The following ZNF503 variants were observed in gnomAD, a reference collection of about 807,000 sequenced individuals.
ZNF503 encodes NocA-like zinc finger 2.
A neutral mutation model predicts 34.4 loss-of-function variants in ZNF503; 15 were observed. That is an observed-to-expected ratio of 0.44 (90% CI 0.29 to 0.67). ZNF503 has a LOEUF of 0.67. Among genes scored for constraint, ZNF503 ranks in the 30% least tolerant of loss-of-function variants. The probability of loss-of-function intolerance (pLI) is 0.13; values close to 1 mark genes in which losing one functional copy is unlikely to be tolerated. For synonymous variants in ZNF503, 580 were observed against 456.8 expected (o/e 1.27, Z -3.44); for missense variants, 1,007 against 926.8 (o/e 1.09, Z -1.12).
rs763271220 is a variant in ZNF503, at chr10:75,401,117, G to A, written c.303C>T (p.Val101=). 19 of 1,613,484 alleles carry A rather than the reference G, an allele frequency of 1.2e-5. No homozygotes were observed. The Middle Eastern group carries it at 5.0e-4, about 42-fold the overall frequency. ...EYLQPLPSTP[V]SPIELDAKKS... is the part of the protein sequence containing the mutation. Reference sequence around the variant, plus strand: ...AGAGGGTCCTTACCTCGATGGGGCTGACCGGCGTGGAAGGCAGGGGCTGCA... The same window carrying A: ...AGAGGGTCCTTACCTCGATGGGGCTAACCGGCGTGGAAGGCAGGGGCTGCA... The change falls in exon 1 of 2, where the codon GTC becomes GTT. Residue 101 remains valine (V), a synonymous_variant. Transcript: ENST00000372524.
At chr10:75,280,948 G>T in the ZNF503 span, among the ~76,000 whole-genome samples, 5 of 152,128 alleles carry the variant, frequency 3.3e-5, no homozygotes, top group African/African-American at 4.8e-5. Context: ...GGGCGAGAGC[G>T]GCTGCTTCAG....
chr10:75,379,144 A>G, the ZNF503 span, among the ~76,000 whole-genome samples: 1 of 152,190 alleles, frequency 6.6e-6, no homozygotes, highest in Non-Finnish European at 1.5e-5. Context: ...ATGGTGCCTC[A>G]CCTTAAATGC....
chr10:75,385,431 C>T, the ZNF503 span, among the ~76,000 whole-genome samples: 2 of 152,220 alleles, frequency 1.3e-5, no homozygotes, highest in Admixed American at 1.3e-4. Context: ...CATCTTGCTC[C>T]ACTCCATTTT....
Position 75,399,677 on chromosome 10 carries a change from G to A in ZNF503, c.1013C>T (p.Ala338Val), listed in dbSNP as rs991746920. Residue 338 changes from alanine to valine, a missense_variant, in exon 2 of 2, where the codon GCT becomes GTT. Transcript: ENST00000372524. The stretch of plus-strand genomic sequence containing the variant: ...GCCCGGCTTGTAGGGTGACACGGGA[G>A]CCACCAGCCCAGAGCCCAACACTGA... The part of the protein sequence containing the change: ...SSSVLGSGLV[A>V]PVSPYKPGQT... 3.7e-6 allele frequency: 6 copies of A among 1,600,036 alleles called. No individual in the cohort carries two copies. The highest frequency in any genetic ancestry group is 5.1e-6 in the Non-Finnish European group (6 of 1,179,456).
chr10:75,315,217 A>G, the ZNF503 span, among the ~76,000 whole-genome samples: 1 of 152,260 alleles, frequency 6.6e-6, no homozygotes, highest in South Asian at 2.1e-4. Context: ...AAAATTAGCC[A>G]GGCATGGTGG....
the ZNF503 span, among the ~76,000 whole-genome samples, chr10:75,368,878 T>A: frequency 6.6e-6 from 1 of 152,262 alleles, no homozygotes; most frequent in African/African-American, 2.4e-5. Context: ...AAAGTGATTC[T>A]TTCAGCTCTG....
At chr10:75,397,127 C>T (rs942915821), downstream of ZNF503, among the ~76,000 whole-genome samples, 5 of 147,336 alleles carry the variant, frequency 3.4e-5, no homozygotes, top group Non-Finnish European at 7.5e-5. Context: ...AATAGAGCGC[C>T]GGCTGCAGAG....
At chr10:75,281,258 T>C in the ZNF503 span, among the ~76,000 whole-genome samples, 1 of 152,098 alleles carries the variant, frequency 6.6e-6, no homozygotes, top group Non-Finnish European at 1.5e-5. Context: ...GATGGGGCTA[T>C]AGGACTCAGA....
chr10:75,312,192 G>C, the ZNF503 span, among the ~76,000 whole-genome samples: 2 of 152,160 alleles, frequency 1.3e-5, no homozygotes, highest in African/African-American at 4.8e-5. Flanking sequence ...GGGTGACAGA[G>C]TGAGAACCTG....
chr10:75,365,326 T>G, the ZNF503 span, among the ~76,000 whole-genome samples: 1 of 152,280 alleles, frequency 6.6e-6, no homozygotes, highest in East Asian at 1.9e-4. Flanking sequence ...TTTTGTATTT[T>G]TAGTAGAGAC....
At chr10:75,358,491 CT>C in the ZNF503 span, 1 of 152,062 alleles carries the variant, frequency 6.6e-6, no homozygotes, top group Non-Finnish European at 1.5e-5. Context: ...TTGGTTTTTT[CT>C]TTTGTTCTTT....
chr10:75,320,682 G>T, the ZNF503 span, among the ~76,000 whole-genome samples: 1 of 151,886 alleles, frequency 6.6e-6, no homozygotes, highest in Non-Finnish European at 1.5e-5. Context: ...ATAAGAAAAA[G>T]AATACAGCAA....
chr10:75,331,866 T>G, the ZNF503 span, among the ~76,000 whole-genome samples: 2 of 152,312 alleles, frequency 1.3e-5, no homozygotes, highest in South Asian at 4.1e-4. Context: ...GGTGCATGTA[T>G]ATTAACAATT....
the ZNF503 span, among the ~76,000 whole-genome samples, chr10:75,357,086 G>C: frequency 1.3e-5 from 2 of 152,160 alleles, no homozygotes; most frequent in South Asian, 4.1e-4. Context: ...CTGTGGTATA[G>C]AGAAAGAAGT....
the ZNF503 span, chr10:75,382,253 A>G: frequency 4.6e-6 from 1 of 215,800 alleles, no homozygotes; most frequent in Non-Finnish European, 9.3e-6. Flanking sequence ...ACAAATGCTC[A>G]TGACAGATTT....
the ZNF503 span, among the ~76,000 whole-genome samples, chr10:75,315,704 A>C: frequency 6.6e-6 from 1 of 152,198 alleles, no homozygotes; most frequent in East Asian, 1.9e-4. Context: ...ATAGCCAGAA[A>C]ACAATTAATA....
the ZNF503 span, among the ~76,000 whole-genome samples, chr10:75,372,476 A>G: frequency 6.6e-6 from 1 of 152,308 alleles, no homozygotes; most frequent in African/African-American, 2.4e-5. Flanking sequence ...CACAGCATCA[A>G]AACAGTTCAA....
chr10:75,347,539 G>A, the ZNF503 span, among the ~76,000 whole-genome samples: 2 of 152,182 alleles, frequency 1.3e-5, no homozygotes, highest in South Asian at 2.1e-4. Flanking sequence ...GGCCAGCCTA[G>A]GGGGCAGGCT....
the ZNF503 span, among the ~76,000 whole-genome samples, chr10:75,311,381 G>T: frequency 6.6e-6 from 1 of 152,064 alleles, no homozygotes; most frequent in South Asian, 2.1e-4. Context: ...AGACACACCT[G>T]GGAACAATAC....
Sources: gnomAD v4.1 joint callset for allele counts (sites outside exome capture counted in the v4.1 genomes callset) on GRCh38, gnomAD v4.1.1 for gene constraint, MANE v1.5 for transcripts, NCBI Gene and HGNC (gene_info 2026-07-23, HGNC 2026-07-21) for gene names.